Variants in TIAM2 observed in about 807,000 individuals in gnomAD.
TIAM2 encodes the protein TIAM Rac1 associated GEF 2, also known as rho guanine nucleotide exchange factor TIAM2.
TIAM2 carries 80 observed loss-of-function variants against 152.9 expected under a neutral mutation model. That is an observed-to-expected ratio of 0.52 (90% CI 0.44 to 0.63). The LOEUF is 0.63. TIAM2 is among the 30% of genes least tolerant of loss of function. The probability of loss-of-function intolerance (pLI) is 0.00; values close to 1 mark genes in which losing one functional copy is unlikely to be tolerated. For missense variants in TIAM2, 1,965 were observed against 2,120.1 expected (o/e 0.93, Z 1.44); for synonymous variants, 804 against 838.0 (o/e 0.96, Z 0.70).
At chr6:155,159,013 G>C (rs1780195529) in intron 7 of TIAM2, among the ~76,000 whole-genome samples, 1 of 152,118 alleles carries the variant, frequency 6.6e-6, no homozygotes, top group Non-Finnish European at 1.5e-5. Context: ...TCATTGAACT[G>C]TACTGAATCT....
At chr6:155,005,027 G>A in intron 1 of TIAM2, 1 of 522,598 alleles carries the variant, frequency 1.9e-6, no homozygotes, top group Non-Finnish European at 3.0e-6. Context: ...AGGCAGTCAT[G>A]GAGTAACCCA....
Position 155,179,156 on chromosome 6 carries a change from T to G in TIAM2, c.2628+13T>G. The G allele has an allele frequency of 1.3e-6, 2 of 1,595,846 alleles. No individual in the cohort carries two copies. The highest frequency in any genetic ancestry group is 1.7e-6 in the Non-Finnish European group (2 of 1,165,664). ...TATGCAACAACAGGTAAGTGTGCAC[T>G]AGCTTTAGGAAGGGAAACTGAACCA... is the stretch of plus-strand genomic sequence containing the variant. On this transcript the variant is annotated intron_variant, in intron 11 of 26. Transcript: ENST00000682666.
chr6:155,228,376 G>A (rs983187675), intron 15 of TIAM2, among the ~76,000 whole-genome samples: 3 of 152,058 alleles, frequency 2.0e-5, no homozygotes, highest in Non-Finnish European at 2.9e-5. Flanking sequence ...TCTTTTTGGC[G>A]CTTTATTGTC....
At chr6:155,148,767 A>C (rs1779877785) in intron 7 of TIAM2, among the ~76,000 whole-genome samples, 1 of 152,216 alleles carries the variant, frequency 6.6e-6, no homozygotes, top group Admixed American at 6.5e-5. Flanking sequence ...ATTGCAAAAA[A>C]ACAGTAATTT....
chr6:155,049,566 C>T (rs376208603), intron 1 of TIAM2, among the ~76,000 whole-genome samples: 2 of 152,062 alleles, frequency 1.3e-5, no homozygotes, highest in Non-Finnish European at 2.9e-5. Context: ...TAAGTCTTGG[C>T]GTGCCTGCTG....
rs1412579497 is a variant in TIAM2 at position 155,186,178 on chromosome 6, A to T, written c.3064+2678A>T. ...GTTTGTGGAAACTCTGAGAGATGGC[A>T]GGGTGACAAGCATACAGGTTTTGAG... On this transcript the variant is annotated intron_variant, in intron 14 of 26. Coordinates refer to ENST00000682666, the MANE Select transcript of TIAM2 (RefSeq NM_012454.4). The surrounding 1 kb of genome is among the most constrained non-coding windows in gnomAD (Gnocchi z 4.5). 6.6e-6 allele frequency among the ~76,000 whole-genome samples: 1 copy of T among 152,214 alleles called. No homozygotes were observed. Among genetic ancestry groups the T allele is most frequent in the African/African-American group, 2.4e-5 (1 of 41,456 alleles).
intron 1 of TIAM2, among the ~76,000 whole-genome samples, chr6:155,046,017 T>C (rs1272454496): frequency 2.0e-5 from 3 of 151,832 alleles, no homozygotes; most frequent in Admixed American, 6.6e-5. Flanking sequence ...CTTGTAGTTA[T>C]TGTCCATCAC....
intron 18 of TIAM2, among the ~76,000 whole-genome samples, chr6:155,245,295 T>G (rs1362530909): frequency 6.6e-6 from 1 of 152,236 alleles, no homozygotes; most frequent in African/African-American, 2.4e-5. Flanking sequence ...CCCCAAGCAA[T>G]GCAGAGTCGG....
intron 19 of TIAM2, among the ~76,000 whole-genome samples, chr6:155,247,492 C>T (rs574653042): frequency 9.2e-5 from 14 of 152,090 alleles, no homozygotes; most frequent in South Asian, 2.1e-4. Flanking sequence ...CCACGCCCGG[C>T]GAATTTTTGT....
intron 1 of TIAM2, among the ~76,000 whole-genome samples, chr6:155,059,436 G>T (rs1204797788): frequency 6.6e-6 from 1 of 152,006 alleles, no homozygotes; most frequent in Non-Finnish European, 1.5e-5. Flanking sequence ...CGATTCTCCT[G>T]CCTCAGCCTC....
At chr6:155,231,232 T>C (rs1272494016) in intron 15 of TIAM2, among the ~76,000 whole-genome samples, 1 of 152,196 alleles carries the variant, frequency 6.6e-6, no homozygotes, top group Non-Finnish European at 1.5e-5. Context: ...TGCATATGGC[T>C]CCTCTTCATA....
intron 1 of TIAM2, among the ~76,000 whole-genome samples, chr6:155,069,817 A>G (rs1310116321): frequency 6.6e-6 from 1 of 152,094 alleles, no homozygotes; most frequent in Non-Finnish European, 1.5e-5. Flanking sequence ...TTGAAGAAAT[A>G]AGTTGTCATG....
chr6:155,130,423 C>T lies in TIAM2; in HGVS notation c.1194+6C>T, dbSNP rs1224056093. On this transcript the variant is annotated splice_donor_region_variant and intron_variant, in intron 4 of 26. Coordinates refer to ENST00000682666, the MANE Select transcript of TIAM2 (RefSeq NM_012454.4). ...GGAAGAAAAGGAAACTCCAGGTGAG[C>T]ATACCTTAGAGCAGAGGGAAGGGTC... is the stretch of plus-strand genomic sequence containing the variant. The T allele has an allele frequency of 6.2e-7, 1 of 1,610,628 alleles. No individual in the cohort carries two copies.
At chr6:155,167,013 T>G (rs1199236871) in intron 9 of TIAM2, among the ~76,000 whole-genome samples, 1 of 152,196 alleles carries the variant, frequency 6.6e-6, no homozygotes, top group Admixed American at 6.5e-5. Context: ...TTGATAACGC[T>G]TTTGTGAATT....
At chr6:155,237,407 A>G (rs1427830256) in intron 15 of TIAM2, among the ~76,000 whole-genome samples, 1 of 152,188 alleles carries the variant, frequency 6.6e-6, no homozygotes, top group Non-Finnish European at 1.5e-5. Context: ...CACAGGGTGC[A>G]AGATGTCAGT....
intron 1 of TIAM2, among the ~76,000 whole-genome samples, chr6:155,033,947 C>G (rs2114894869): frequency 6.6e-6 from 1 of 152,188 alleles, no homozygotes. Flanking sequence ...GAACTCCTGA[C>G]CTCAGGTTAT....
intron 10 of TIAM2, among the ~76,000 whole-genome samples, chr6:155,178,481 C>T (rs1022171344): frequency 1.3e-5 from 2 of 152,172 alleles, no homozygotes; most frequent in Non-Finnish European, 2.9e-5. Context: ...CTTAAAAATG[C>T]ATCTCTTGCC....
At position 155,156,050 on chromosome 6, in the gene TIAM2, C is replaced by G. The variant is rs888572566; in HGVS notation, c.2028+7716C>G. ...CAACATAACACAGTGATTCAGTGCA[C>G]GTGGCATTCCAGTGCTGTGGAAGAC... On this transcript the variant is annotated intron_variant, in intron 7 of 26. Transcript: ENST00000682666. The surrounding 1 kb of genome is among the most constrained non-coding windows in gnomAD (Gnocchi z 4.4). Among the ~76,000 whole-genome samples the G allele has an allele frequency of 6.6e-6, 1 of 152,160 alleles. No individual in the cohort carries two copies. The highest frequency in any genetic ancestry group is 2.4e-5 in the African/African-American group (1 of 41,442).
intron 1 of TIAM2, among the ~76,000 whole-genome samples, chr6:155,040,816 G>T (rs1401041359): frequency 6.6e-6 from 1 of 152,148 alleles, no homozygotes; most frequent in African/African-American, 2.4e-5. Flanking sequence ...ACCCTGCCTG[G>T]CTAAGAGCAC....
Sources: allele counts gnomAD v4.1 joint callset (sites outside exome capture counted in the v4.1 genomes callset), GRCh38; gene constraint gnomAD v4.1.1; non-coding constraint Gnocchi (gnomAD v3.1); transcripts MANE v1.5; gene names NCBI Gene and HGNC (gene_info 2026-07-23, HGNC 2026-07-21).